The following GLIS3 variants were observed in gnomAD, a reference collection of about 807,000 sequenced individuals.
GLIS3 encodes the protein zinc finger protein GLIS3.
GLIS3 carries 53 observed loss-of-function variants against 78.6 expected under a neutral mutation model. That is an observed-to-expected ratio of 0.67 (90% CI 0.54 to 0.85). The LOEUF (loss-of-function observed/expected upper bound fraction) is 0.85. Among genes scored for constraint, GLIS3 ranks in the 40% least tolerant of loss-of-function variants. The probability of loss-of-function intolerance (pLI) is 0.00; values close to 1 mark genes in which losing one functional copy is unlikely to be tolerated. For missense variants in GLIS3, 1,703 were observed against 1,231.1 expected, an observed-to-expected ratio of 1.38 and a Z score of -5.74; for synonymous variants, 684 against 509.9, an observed-to-expected ratio of 1.34 and a Z score of -4.60.
intron 4 of GLIS3, among the ~76,000 whole-genome samples, chr9:4,012,016 G>T (rs532873464): frequency 6.6e-6 from 1 of 152,022 alleles, no homozygotes; most frequent in Non-Finnish European, 1.5e-5. Flanking sequence ...TCTTTCTTCC[G>T]TTTGCAGAAA....
intron 4 of GLIS3, among the ~76,000 whole-genome samples, chr9:3,958,537 G>A (rs139568396): frequency 6.6e-6 from 1 of 152,076 alleles, no homozygotes. Flanking sequence ...GTCTTAAAAG[G>A]CTTCCATTCT....
intron 4 of GLIS3, among the ~76,000 whole-genome samples, chr9:3,966,295 T>G (rs189821283): frequency 6.6e-6 from 1 of 152,340 alleles, no homozygotes; most frequent in Admixed American, 6.5e-5. Flanking sequence ...TTATGGGACA[T>G]GACTATTGTA....
intron 2 of GLIS3, among the ~76,000 whole-genome samples, chr9:4,319,605 C>T (rs1219567731): frequency 1.3e-5 from 2 of 152,054 alleles, no homozygotes; most frequent in South Asian, 2.1e-4. Context: ...TCATAGCTCA[C>T]TGTCACCTCA....
At chr9:4,484,404 A>ATTTTT in the GLIS3 span, among the ~76,000 whole-genome samples, 50 of 49,770 alleles carry the variant, frequency 1.0e-3, 1 homozygote, top group African/African-American at 3.8e-3. Flanking sequence ...TGCCAGGCTA[A>ATTTTT]TTTTTTTTTT....
the GLIS3 span, among the ~76,000 whole-genome samples, chr9:4,430,857 TA>T: frequency 2.1e-3 from 320 of 151,262 alleles, 6 homozygotes; most frequent in South Asian, 0.043. Context: ...AGTTCATGTT[TA>T]TCTCTGGGTT....
intron 4 of GLIS3, among the ~76,000 whole-genome samples, chr9:3,989,946 T>C (rs940810931): frequency 1.3e-5 from 2 of 152,226 alleles, no homozygotes; most frequent in Non-Finnish European, 2.9e-5. Context: ...TTCGGGTTGA[T>C]ATCATACTGC....
chr9:3,980,370 G>A (rs1819158526), intron 4 of GLIS3, among the ~76,000 whole-genome samples: 1 of 152,192 alleles, frequency 6.6e-6, no homozygotes, highest in South Asian at 2.1e-4. Flanking sequence ...AAGTGGCAGA[G>A]CTGGGATTAA....
intron 5 of GLIS3, among the ~76,000 whole-genome samples, chr9:3,933,150 G>A (rs145215319): frequency 1.3e-5 from 2 of 152,072 alleles, no homozygotes; most frequent in Admixed American, 6.5e-5. Flanking sequence ...TGGGAGATGT[G>A]AGGTGTGGTG....
At chr9:4,060,579 G>C (rs1282556364) in intron 4 of GLIS3, among the ~76,000 whole-genome samples, 1 of 152,084 alleles carries the variant, frequency 6.6e-6, no homozygotes, top group Non-Finnish European at 1.5e-5. Context: ...ATAACTTGTG[G>C]CTTTATGAGA....
At chr9:4,315,269 C>T (rs539923936) in intron 2 of GLIS3, among the ~76,000 whole-genome samples, 1 of 152,224 alleles carries the variant, frequency 6.6e-6, no homozygotes, top group Admixed American at 6.5e-5. Context: ...TCAAGCTGAC[C>T]CAACATGATG....
chr9:4,149,423 C>CA (rs1303523744), intron 2 of GLIS3, among the ~76,000 whole-genome samples: 5 of 152,212 alleles, frequency 3.3e-5, no homozygotes, highest in Non-Finnish European at 5.9e-5. Flanking sequence ...CCTTAACCAT[C>CA]ACCTCCCACA....
chr9:3,965,508 C>T (rs529416822), intron 4 of GLIS3, among the ~76,000 whole-genome samples: 1 of 152,198 alleles, frequency 6.6e-6, no homozygotes, highest in East Asian at 1.9e-4. Context: ...TTTCCTAATT[C>T]TATCACTCTA....
chr9:4,252,880 G>T (rs978192102), intron 2 of GLIS3, among the ~76,000 whole-genome samples: 2 of 152,186 alleles, frequency 1.3e-5, no homozygotes, highest in African/African-American at 4.8e-5. Context: ...TCTGCTGCAG[G>T]TCTGCTGGAG....
At chr9:4,195,717 C>G (rs528981659) in intron 2 of GLIS3, among the ~76,000 whole-genome samples, 1 of 152,268 alleles carries the variant, frequency 6.6e-6, no homozygotes, top group African/African-American at 2.4e-5. Flanking sequence ...GCGGGATCCA[C>G]TAGGCGAAGC....
intron 2 of GLIS3, among the ~76,000 whole-genome samples, chr9:4,233,296 G>T (rs145795036): frequency 1.9e-4 from 29 of 152,292 alleles, no homozygotes; most frequent in African/African-American, 6.5e-4. Flanking sequence ...CTAGGCACTA[G>T]ACAGGCCCCC....
intron 4 of GLIS3, among the ~76,000 whole-genome samples, chr9:3,995,835 G>A (rs890928489): frequency 2.0e-5 from 3 of 152,038 alleles, no homozygotes; most frequent in African/African-American, 7.2e-5. Flanking sequence ...ACACATAATA[G>A]CCTGCTAAAT....
At chr9:4,223,187 T>C (rs1189097293) in intron 2 of GLIS3, among the ~76,000 whole-genome samples, 2 of 152,188 alleles carry the variant, frequency 1.3e-5, no homozygotes, top group South Asian at 4.1e-4. Context: ...GAAAAACGAA[T>C]TGAACATCCG....
Position 4,149,769 on chromosome 9 carries a change from CAG to C in GLIS3, c.389-23830_389-23829del, listed in dbSNP as rs375551472. ...AACTGCATGGTAGGAGCAGGTGAAA[CAG>C]AGATCAAGAGAATCACAGCACAAAA... On this transcript the variant is annotated intron_variant, in intron 2 of 10. Transcript: ENST00000381971. 2.8e-4 allele frequency among the ~76,000 whole-genome samples: 43 copies of C among 151,994 alleles called. No homozygotes were observed. The East Asian group carries it at 7.9e-3, about 28-fold the overall frequency.
the GLIS3 span, among the ~76,000 whole-genome samples, chr9:4,451,309 T>C: frequency 1.3e-5 from 2 of 152,138 alleles, no homozygotes; most frequent in African/African-American, 4.8e-5. Context: ...CTGTCCTAAA[T>C]ATATATAGAC....
Sources: gnomAD v4.1 joint callset for allele counts (sites outside exome capture counted in the v4.1 genomes callset) on GRCh38, gnomAD v4.1.1 for gene constraint, MANE v1.5 for transcripts, NCBI Gene and HGNC (gene_info 2026-07-23, HGNC 2026-07-21) for gene names.